The following SYNM variants were observed in gnomAD, a reference collection of about 807,000 sequenced individuals.
SYNM encodes synemin.
A neutral mutation model predicts 104.0 loss-of-function variants in SYNM; 95 were observed. That is an observed-to-expected ratio of 0.91 (90% CI 0.77 to 1.08). The LOEUF is 1.08. Among genes scored for constraint, SYNM ranks in the 50% least tolerant of loss-of-function variants. The pLI, the probability that SYNM is intolerant of heterozygous loss-of-function variation, is 0.00. For missense variants in SYNM, 2,150 were observed against 2,052.2 expected (o/e 1.05, Z -0.92); for synonymous variants, 918 against 869.0 (o/e 1.06, Z -0.99).
rs782063503 is a variant in SYNM at position 99,113,639 on chromosome 15, A to G, written c.859A>G (p.Met287Val). 15 of 1,613,586 alleles carry G rather than the reference A, an allele frequency of 9.3e-6. No individual in the cohort carries two copies. The highest frequency in any genetic ancestry group is 1.3e-5 in the Non-Finnish European group (15 of 1,179,742). The change falls in exon 2 of 4, where the codon ATG becomes GTG. Residue 287 changes from methionine (M) to valine (V), a missense_variant. Coordinates refer to ENST00000336292, the MANE Select transcript of SYNM (RefSeq NM_145728.3). ...TGAGAAGGCAACCCTCACCTTGGCCATGGCTGACTGGCTGCGGGACTATCA... is the reference window on the plus strand; with the variant it reads ...TGAGAAGGCAACCCTCACCTTGGCCGTGGCTGACTGGCTGCGGGACTATCA... ...EDEKATLTLA[M>V]ADWLRDYQDL...
chr15:99,118,342 C>T (rs181749877), intron 2 of SYNM, among the ~76,000 whole-genome samples: 17 of 152,354 alleles, frequency 1.1e-4, no homozygotes, highest in Admixed American at 5.9e-4. Flanking sequence ...CGTGGACTTG[C>T]GCTCTTCTGA....
At chr15:99,126,534 G>T (rs560278169) in intron 2 of SYNM, among the ~76,000 whole-genome samples, 188 bp from the exon 3 acceptor site, 1 of 152,380 alleles carries the variant, frequency 6.6e-6, no homozygotes, top group South Asian at 2.1e-4. Context: ...GCCTGGCCCA[G>T]GTCTGCTGAG....
downstream of SYNM, chr15:99,138,154 G>C: frequency 6.2e-7 from 1 of 1,610,368 alleles, no homozygotes; most frequent in Non-Finnish European, 8.5e-7. Flanking sequence ...GGTGGGGTGA[G>C]TGTGGTGCCC....
chr15:99,121,035 T>C (rs2151804305), intron 2 of SYNM, among the ~76,000 whole-genome samples: 1 of 151,806 alleles, frequency 6.6e-6, no homozygotes, highest in South Asian at 2.1e-4. Flanking sequence ...CAAAGGGATG[T>C]GGGGTTTGGG....
intron 1 of SYNM, among the ~76,000 whole-genome samples, chr15:99,109,422 A>C (rs1340667870): frequency 8.5e-5 from 13 of 152,156 alleles, no homozygotes; most frequent in Non-Finnish European, 1.3e-4. Context: ...GCTGAGGCTG[A>C]CTGGAAAAGG....
intron 1 of SYNM, among the ~76,000 whole-genome samples, chr15:99,107,673 G>A (rs2067259398): frequency 6.6e-6 from 1 of 152,188 alleles, no homozygotes; most frequent in South Asian, 2.1e-4. Flanking sequence ...CGTAATGTGA[G>A]CCATATGAAA....
chr15:99,121,368 G>A (rs1163930796), intron 2 of SYNM, among the ~76,000 whole-genome samples: 1 of 152,098 alleles, frequency 6.6e-6, no homozygotes, highest in Non-Finnish European at 1.5e-5. Flanking sequence ...CTGCAGGGAG[G>A]CTTCCAGAGT....
At chr15:99,141,726 T>C in the SYNM span, among the ~76,000 whole-genome samples, 3 of 152,320 alleles carry the variant, frequency 2.0e-5, no homozygotes, top group South Asian at 4.1e-4. Context: ...CCTTTGTCTT[T>C]ATAAGCTGTG....
chr15:99,131,562 TG>T lies in SYNM; in HGVS notation c.3205del (p.Ala1069ProfsTer52). ...APAAGIRFRR[W>X]ATRELYIPSG... Reference sequence around the variant, plus strand: ...GGCTGCTGGCATTCGCTTTAGGCGTTGGGCCACCCGGGAGCTGTACATCCCT... The same window carrying T: ...GGCTGCTGGCATTCGCTTTAGGCGTTGGCCACCCGGGAGCTGTACATCCCT... On this transcript the variant is annotated frameshift_variant, in exon 4 of 4. Transcript: ENST00000336292. LOFTEE classifies it high-confidence loss of function. This position sits in a 1 kb window ranked among gnomAD's most constrained non-coding sequence, Gnocchi z 4.3. The T allele has an allele frequency of 6.2e-7, 1 of 1,609,188 alleles. No individual in the cohort carries two copies.
chr15:99,126,118 C>T (rs1221709857), intron 2 of SYNM, among the ~76,000 whole-genome samples: 4 of 152,218 alleles, frequency 2.6e-5, no homozygotes, highest in Admixed American at 1.3e-4. Flanking sequence ...TGACGGGGGG[C>T]GCTTTAGCAC....
intron 2 of SYNM, among the ~76,000 whole-genome samples, chr15:99,124,514 A>T (rs1555484863): frequency 6.6e-6 from 1 of 152,206 alleles, no homozygotes; most frequent in African/African-American, 2.4e-5. Flanking sequence ...GGAGCTTCTT[A>T]CTTATAGGAG....
intron 1 of SYNM, among the ~76,000 whole-genome samples, chr15:99,107,539 A>G (rs986183738): frequency 6.6e-6 from 1 of 152,212 alleles, no homozygotes; most frequent in African/African-American, 2.4e-5. Context: ...GTGTGGACCA[A>G]ATCGTCACCA....
intron 2 of SYNM, among the ~76,000 whole-genome samples, chr15:99,121,144 TGAG>T (rs1555484480): frequency 6.6e-6 from 1 of 151,712 alleles, no homozygotes; most frequent in Non-Finnish European, 1.5e-5. Flanking sequence ...GAGAATAAGT[TGAG>T]GGAGGAACTT....
intron 2 of SYNM, among the ~76,000 whole-genome samples, chr15:99,122,509 A>G (rs1461219982): frequency 6.6e-6 from 1 of 152,194 alleles, no homozygotes; most frequent in Non-Finnish European, 1.5e-5. Flanking sequence ...TAGTTACTAG[A>G]TAAAATACTT....
chr15:99,111,029 T>G (rs1465565867), intron 1 of SYNM, among the ~76,000 whole-genome samples: 1 of 152,228 alleles, frequency 6.6e-6, no homozygotes, highest in Non-Finnish European at 1.5e-5. Flanking sequence ...TTTGACAATT[T>G]AGGAGGAGCT....
At chr15:99,115,640 T>C (rs1440600456) in intron 2 of SYNM, among the ~76,000 whole-genome samples, 3 of 151,844 alleles carry the variant, frequency 2.0e-5, no homozygotes, top group Non-Finnish European at 4.4e-5. Flanking sequence ...TTTTGTATTT[T>C]TAGTAGAGAC....
At chr15:99,107,777 C>G (rs75183350) in intron 1 of SYNM, among the ~76,000 whole-genome samples, 2,245 of 152,154 alleles carry the variant, frequency 0.015, 53 homozygotes, top group African/African-American at 0.052. Flanking sequence ...CAGGGCCCAC[C>G]GGGGAAGTGC....
chr15:99,137,942 A>C, downstream of SYNM: 1 of 1,584,994 alleles, frequency 6.3e-7, no homozygotes, highest in Non-Finnish European at 8.6e-7. Context: ...TTCTAGGCGG[A>C]GGTGATTTGT....
chr15:99,131,954 G>A lies in SYNM; in HGVS notation c.3594G>A (p.Glu1198=), dbSNP rs1555486008. The change falls in exon 4 of 4, where the codon GAG becomes GAA. Residue 1198 remains glutamate (E), a synonymous_variant. Coordinates refer to ENST00000336292, the MANE Select transcript of SYNM (RefSeq NM_145728.3). The surrounding 1 kb of genome is among the most constrained non-coding windows in gnomAD (Gnocchi z 4.3). The part of the protein sequence containing the change: ...IFLGPAPACP[E]AWGSPEPGPA... ...TAGGCCCTGCCCCTGCCTGTCCAGA[G>A]GCATGGGGCTCGCCAGAACCTGGCC... The A allele has an allele frequency of 6.2e-7, 1 of 1,613,880 alleles. No individual in the cohort carries two copies. Among genetic ancestry groups the A allele is most frequent in the Non-Finnish European group, 8.5e-7 (1 of 1,179,896 alleles).
Sources: gnomAD v4.1 joint callset for allele counts (sites outside exome capture counted in the v4.1 genomes callset) on GRCh38, gnomAD v4.1.1 for gene constraint, Gnocchi (gnomAD v3.1) non-coding constraint, MANE v1.5 for transcripts, NCBI Gene and HGNC (gene_info 2026-07-23, HGNC 2026-07-21) for gene names.